Variants in SYNE1 observed in about 807,000 individuals in gnomAD.
SYNE1 encodes the protein spectrin repeat containing nuclear envelope protein 1.
SYNE1 carries 616 observed loss-of-function variants against 1,111.0 expected under a neutral mutation model. That is an observed-to-expected ratio of 0.55 (90% CI 0.52 to 0.59). The LOEUF is 0.59. SYNE1 is among the 20% of genes least tolerant of loss of function. The pLI, the probability that SYNE1 is intolerant of heterozygous loss-of-function variation, is 0.00. For synonymous variants in SYNE1, 3,855 were observed against 3,825.8 expected, an observed-to-expected ratio of 1.01 and a Z score of -0.28; for missense variants, 10,006 against 10,417.0, an observed-to-expected ratio of 0.96 and a Z score of 1.72.
intron 98 of SYNE1, among the ~76,000 whole-genome samples, chr6:152,275,685 G>A (rs2093567334): frequency 6.6e-6 from 1 of 151,770 alleles, no homozygotes; most frequent in Admixed American, 6.6e-5. Context: ...TTGAAGACCA[G>A]CCTGGGCAAC....
In SYNE1 at chr6:152,249,189, A is replaced by G. The variant is rs747674900; in HGVS notation, c.19544T>C (p.Phe6515Ser). The G allele has an allele frequency of 5.4e-5, 87 of 1,613,860 alleles. 1 individual carries two copies. The highest frequency in any genetic ancestry group is 6.4e-5 in the Non-Finnish European group (76 of 1,179,884). The change falls in exon 105 of 146, where the codon TTT becomes TCT. Residue 6515 changes from phenylalanine to serine, a missense_variant. Transcript: ENST00000367255. The part of the protein sequence containing the change: ...YIILQKLANV[F>S]EQPVAEQIEA... ...TATTTGTTCTGCTACGGGCTGTTCAAACACATTTGCCAGTTTTTGCAGAAT... is the reference window on the plus strand; with the variant it reads ...TATTTGTTCTGCTACGGGCTGTTCAGACACATTTGCCAGTTTTTGCAGAAT...
intron 57 of SYNE1, 45 bp from the exon 58 acceptor site, chr6:152,376,603 A>AGTTGATGAAAATCAT: frequency 6.2e-7 from 1 of 1,607,028 alleles, no homozygotes; most frequent in East Asian, 2.2e-5. Flanking sequence ...AAAGCGATAA[A>AGTTGATGAAAATCAT]GTTGATGAAA....
At position 152,364,999 on chromosome 6, in the gene SYNE1, C is replaced by T; in HGVS notation, c.9993G>A (p.Gln3331=). The change falls in exon 63 of 146, where the codon CAG becomes CAA. Residue 3331 remains glutamine, a synonymous_variant. Coordinates refer to ENST00000367255, the MANE Select transcript of SYNE1 (RefSeq NM_182961.4). ...TCATTTTCATCTGAATCTCTTTTTC[C>T]TGTTTGACTGATAATAGAGCCTGTG... ...LKLEALLSVK[Q]EKEIQMKMIV... is the part of the protein sequence containing the mutation. The T allele has an allele frequency of 6.2e-7, 1 of 1,614,192 alleles. No individual in the cohort carries two copies. Among genetic ancestry groups the T allele is most frequent in the Non-Finnish European group, 8.5e-7 (1 of 1,180,032 alleles).
At chr6:152,416,024 G>A (rs1313975026) in intron 41 of SYNE1, among the ~76,000 whole-genome samples, 1 of 152,154 alleles carries the variant, frequency 6.6e-6, no homozygotes, top group African/African-American at 2.4e-5. Context: ...ATGGGCTGGA[G>A]GGGAAAGAGA....
chr6:152,551,398 T>G (rs768509652), intron 3 of SYNE1, among the ~76,000 whole-genome samples: 19 of 152,172 alleles, frequency 1.2e-4, no homozygotes, highest in Non-Finnish European at 2.6e-4. Context: ...CCTAATCTAA[T>G]TTTGACCAGA....
intron 18 of SYNE1, 40 bp downstream of exon 18, chr6:152,465,216 CAT>C: frequency 6.2e-7 from 1 of 1,603,306 alleles, no homozygotes; most frequent in Non-Finnish European, 8.5e-7. Flanking sequence ...CTCATTTTTA[CAT>C]ACATCAAACG....
intron 3 of SYNE1, among the ~76,000 whole-genome samples, chr6:152,576,004 G>C (rs1437434891): frequency 6.6e-6 from 1 of 152,232 alleles, no homozygotes; most frequent in Admixed American, 6.5e-5. Flanking sequence ...TAAGAACAAA[G>C]TGGACCTCGG....
chr6:152,312,270 C>T lies in SYNE1; in HGVS notation c.16711-1397G>A, dbSNP rs796693097. 1.1e-4 allele frequency among the ~76,000 whole-genome samples: 16 copies of T among 145,736 alleles called. No individual in the cohort carries two copies. The South Asian group carries it at 1.9e-3, about 18-fold the overall frequency. On this transcript the variant is annotated intron_variant, in intron 87 of 145. Transcript: ENST00000367255. Reference sequence around the variant, plus strand: ...TGTTGCCCAGGCTGGAGTGCAATGGCGTGATCTCGGCTCACTGCAACCTGC... The same window carrying T: ...TGTTGCCCAGGCTGGAGTGCAATGGTGTGATCTCGGCTCACTGCAACCTGC...
intron 3 of SYNE1, among the ~76,000 whole-genome samples, chr6:152,587,978 G>A (rs2099546082): frequency 6.6e-6 from 1 of 152,126 alleles, no homozygotes. Flanking sequence ...TCTTACATTG[G>A]GCTTGTAAAT....
chr6:152,532,281 G>A (rs2099206740), intron 4 of SYNE1, among the ~76,000 whole-genome samples: 1 of 152,052 alleles, frequency 6.6e-6, no homozygotes. Context: ...AAAATCACCT[G>A]TCTCACACCA....
At chr6:152,571,119 A>T (rs981199086) in intron 3 of SYNE1, among the ~76,000 whole-genome samples, 1 of 152,200 alleles carries the variant, frequency 6.6e-6, no homozygotes, top group Non-Finnish European at 1.5e-5. Context: ...TTTCTATCTC[A>T]GTTACTTAGT....
intron 51 of SYNE1, among the ~76,000 whole-genome samples, chr6:152,393,967 C>A (rs1197571592): frequency 6.6e-6 from 1 of 152,146 alleles, no homozygotes; most frequent in Non-Finnish European, 1.5e-5. Flanking sequence ...TTAATGCTAT[C>A]CTTCCCCTAA....
At chr6:152,599,577 A>G (rs1252419327) in intron 3 of SYNE1, among the ~76,000 whole-genome samples, 1 of 152,168 alleles carries the variant, frequency 6.6e-6, no homozygotes, top group East Asian at 1.9e-4. Context: ...AACATGGATA[A>G]ATTGTGAAAA....
At chr6:152,486,848 G>C (rs1259083755) in intron 12 of SYNE1, among the ~76,000 whole-genome samples, 2 of 152,050 alleles carry the variant, frequency 1.3e-5, no homozygotes, top group Non-Finnish European at 2.9e-5. Context: ...TAAATCTTTT[G>C]TCTACCATGT....
intron 101 of SYNE1, among the ~76,000 whole-genome samples, chr6:152,257,584 T>G (rs955736788): frequency 1.9e-4 from 29 of 152,254 alleles, no homozygotes; most frequent in Admixed American, 1.5e-3. Context: ...AAAAGGTGGC[T>G]TGCAAATTTT....
At position 152,352,188 on chromosome 6, in the gene SYNE1, C is replaced by G; in HGVS notation, c.11419G>C (p.Glu3807Gln). Residue 3807 changes from glutamate (E) to glutamine (Q), a missense_variant, in exon 70 of 146, where the codon GAA becomes CAA. This residue lies in a region of SYNE1 where 4,955 missense variants were observed against 5,017.2 expected (regional missense o/e 0.99). Coordinates refer to ENST00000367255, the MANE Select transcript of SYNE1 (RefSeq NM_182961.4). ...LKELTSTVRK[E>Q]HMTLEKGLHL... ...AGACCTTTTTCCAGCGTCATGTGTT[C>G]TTTCCGGACAGTGCTGGTCAGTTCC... 2 of 1,614,198 alleles carry G rather than the reference C, an allele frequency of 1.2e-6. No individual in the cohort carries two copies. The highest frequency in any genetic ancestry group is 1.7e-6 in the Non-Finnish European group (2 of 1,180,032).
At chr6:152,308,351 G>A (rs2095442792) in intron 91 of SYNE1, 138 bp downstream of exon 91, 1 of 1,220,034 alleles carries the variant, frequency 8.2e-7, no homozygotes, top group Non-Finnish European at 1.2e-6. Flanking sequence ...TGCTTAGATA[G>A]CCAAAGAGGC....
intron 107 of SYNE1, among the ~76,000 whole-genome samples, chr6:152,240,293 A>AAAACAAACAAAC (rs71017529): frequency 4.0e-5 from 6 of 150,374 alleles, no homozygotes; most frequent in Non-Finnish European, 5.9e-5. Flanking sequence ...ACTCCATCTC[A>AAAACAAACAAAC]AAACAAACAA....
At chr6:152,474,520 G>A (rs985442591) in intron 14 of SYNE1, 2 of 152,202 alleles carry the variant, frequency 1.3e-5, no homozygotes, top group Admixed American at 6.5e-5. Flanking sequence ...CCCTCAATGA[G>A]GGCTAACATG....
Sources: allele counts gnomAD v4.1 joint callset (sites outside exome capture counted in the v4.1 genomes callset), GRCh38; gene constraint gnomAD v4.1.1; regional missense constraint gnomAD v4.1.1; transcripts MANE v1.5; gene names NCBI Gene and HGNC (gene_info 2026-07-23, HGNC 2026-07-21).